The following UGT2B15 variants were observed in gnomAD, a reference collection of about 807,000 sequenced individuals.
UGT2B15 encodes UDP-glucuronosyltransferase 2B15.
In UGT2B15, 36 loss-of-function variants were observed where a neutral mutation model predicts 45.9. That is an observed-to-expected ratio of 0.78 (90% CI 0.60 to 1.04). The LOEUF is 1.04. Ranked by LOEUF, UGT2B15 falls within the 50% of genes least tolerant of loss-of-function variation. UGT2B15 has a pLI of 0.00. For synonymous variants in UGT2B15, 219 were observed against 216.4 expected (o/e 1.01, Z -0.11); for missense variants, 617 against 622.4 (o/e 0.99, Z 0.09).
rs182121936 is a variant in UGT2B15, at chr4:68,666,597, A to G, written c.873+1443T>C. On this transcript the variant is annotated intron_variant, in intron 2 of 5. Transcript: ENST00000338206. ...TCCTAAATGATCTTTACATTTTACAAACTTGCCTTTTTGCAATATTATACA... is the reference window on the plus strand; with the variant it reads ...TCCTAAATGATCTTTACATTTTACAGACTTGCCTTTTTGCAATATTATACA... Among the ~76,000 whole-genome samples the G allele has an allele frequency of 8.7e-3, 1,320 of 151,994 alleles. 6 individuals are homozygous for G. The highest frequency in any genetic ancestry group is 0.013 in the Non-Finnish European group (899 of 67,990).
intron 3 of UGT2B15, among the ~76,000 whole-genome samples, chr4:68,660,004 G>T: frequency 1.4e-5 from 2 of 141,190 alleles, no homozygotes; most frequent in Admixed American, 7.2e-5. Context: ...ATACTCCTAT[G>T]AAAAAAATTT....
At chr4:68,649,836 T>A (rs975492958) in intron 5 of UGT2B15, among the ~76,000 whole-genome samples, 7 of 151,914 alleles carry the variant, frequency 4.6e-5, no homozygotes, top group African/African-American at 1.7e-4. Context: ...TTTTGTTTTT[T>A]TGCTTTTTTG....
chr4:68,669,896 T>G lies in UGT2B15; in HGVS notation c.723A>C (p.Leu241=). ...GCACCAGTTAGACACATGACTTACC[T>G]AGAACTTCACTATAAAACTGGTCCC... The part of the protein sequence containing the change: ...KKWDQFYSEV[L]GRPTTLFETM... The change falls in exon 1 of 6, where the codon CTA becomes CTC. Residue 241 remains leucine (L), a splice_region_variant and synonymous_variant. Coordinates refer to ENST00000338206, the MANE Select transcript of UGT2B15 (RefSeq NM_001076.4). 1.2e-6 allele frequency: 2 copies of G among 1,606,146 alleles called. No homozygotes were observed. The highest frequency in any genetic ancestry group is 1.3e-5 in the African/African-American group (1 of 74,336).
intron 2 of UGT2B15, among the ~76,000 whole-genome samples, chr4:68,666,752 A>ATTT (rs775748401): frequency 0.012 from 1,545 of 127,834 alleles, 22 homozygotes; most frequent in Middle Eastern, 0.03. Context: ...ATATATATAT[A>ATTT]TTTTTTTTTT....
intron 5 of UGT2B15, among the ~76,000 whole-genome samples, chr4:68,651,363 T>A (rs1732650214): frequency 6.6e-6 from 1 of 152,146 alleles, no homozygotes; most frequent in Non-Finnish European, 1.5e-5. Context: ...TTCCGTTTTC[T>A]GCGTATGGCT....
At chr4:68,653,436 T>C (rs1410212801) in intron 5 of UGT2B15, among the ~76,000 whole-genome samples, 1 of 152,016 alleles carries the variant, frequency 6.6e-6, no homozygotes, top group Admixed American at 6.6e-5. Context: ...GTGAAGAGAA[T>C]AATCTATTGA....
intron 2 of UGT2B15, among the ~76,000 whole-genome samples, chr4:68,665,861 A>C (rs1451741026): frequency 2.6e-5 from 4 of 152,138 alleles, no homozygotes; most frequent in African/African-American, 9.7e-5. Context: ...AGCCTGGCCA[A>C]CATGGTGAAA....
At chr4:68,656,757 G>A (rs1291852931) in intron 3 of UGT2B15, among the ~76,000 whole-genome samples, 2 of 151,884 alleles carry the variant, frequency 1.3e-5, no homozygotes, top group African/African-American at 4.8e-5. Flanking sequence ...CCCCTTTAGG[G>A]GTGTCTGTTT....
At chr4:68,656,798 A>AT (rs1215734428) in intron 3 of UGT2B15, among the ~76,000 whole-genome samples, 2 of 151,792 alleles carry the variant, frequency 1.3e-5, no homozygotes, top group East Asian at 3.9e-4. Context: ...TTGTGGGCAG[A>AT]TTTTTTTCTC....
At chr4:68,659,245 C>T (rs1732893539) in intron 3 of UGT2B15, among the ~76,000 whole-genome samples, 1 of 151,836 alleles carries the variant, frequency 6.6e-6, no homozygotes, top group Admixed American at 6.6e-5. Context: ...CTTGAGTTAC[C>T]ACATTAGTCA....
chr4:68,650,324 G>A (rs192500406), intron 5 of UGT2B15, among the ~76,000 whole-genome samples: 121 of 151,658 alleles, frequency 8.0e-4, no homozygotes, highest in African/African-American at 2.5e-3. Context: ...TCCATCCCCC[G>A]GTGTGTGTTG....
chr4:68,653,939 C>A, intron 5 of UGT2B15, 98 bp downstream of exon 5: 3 of 1,462,768 alleles, frequency 2.1e-6, no homozygotes, highest in South Asian at 2.6e-5. Flanking sequence ...CACTTCAATC[C>A]CTTCAAAATT....
intron 5 of UGT2B15, among the ~76,000 whole-genome samples, chr4:68,649,714 A>C (rs1277414773): frequency 1.3e-5 from 2 of 152,142 alleles, no homozygotes; most frequent in East Asian, 3.8e-4. Context: ...GATTACATTT[A>C]ATTGTGTACT....
At chr4:68,650,736 A>G (rs71598083) in intron 5 of UGT2B15, among the ~76,000 whole-genome samples, 52,776 of 151,836 alleles carry the variant, frequency 0.35, 9,415 homozygotes, top group East Asian at 0.53. Flanking sequence ...GTTTTCCATG[A>G]TGGTTGAACT....
In UGT2B15 at chr4:68,651,985, T is replaced by G. The variant is rs1194928124; in HGVS notation, c.1313+2052A>C. On this transcript the variant is annotated intron_variant, in intron 5 of 5. Transcript: ENST00000338206. ...GGGCAGCATGGCCATTTTTACAATA[T>G]TGATTCTTTTTATCCATGAGGATGG... is the stretch of plus-strand genomic sequence containing the variant. 4.6e-5 allele frequency among the ~76,000 whole-genome samples: 7 copies of G among 152,136 alleles called. No individual in the cohort carries two copies. In the East Asian group the frequency reaches 1.2e-3, roughly 25 times the overall value.
chr4:68,652,528 T>C (rs1011945649), intron 5 of UGT2B15, among the ~76,000 whole-genome samples: 3 of 151,806 alleles, frequency 2.0e-5, no homozygotes, highest in Admixed American at 2.0e-4. Context: ...GTTTTTAATG[T>C]ATTCCCTTAG....
intron 2 of UGT2B15, among the ~76,000 whole-genome samples, chr4:68,666,619 T>C (rs1320740507): frequency 6.6e-6 from 1 of 151,936 alleles, no homozygotes; most frequent in African/African-American, 2.4e-5. Flanking sequence ...TGCAATATTA[T>C]ACATTGGGAA....
intron 2 of UGT2B15, among the ~76,000 whole-genome samples, chr4:68,666,414 TAATCATAATATCA>T (rs1357218235): frequency 6.6e-6 from 1 of 152,138 alleles, no homozygotes; most frequent in East Asian, 1.9e-4. Context: ...ATGACTGAAA[TAATCATAATATCA>T]ACAATATTTT....
intron 3 of UGT2B15, among the ~76,000 whole-genome samples, chr4:68,660,630 T>C (rs1242704020): frequency 2.0e-5 from 3 of 151,926 alleles, no homozygotes. Flanking sequence ...AAAATAACAG[T>C]ATACCTGTTG....
Sources: gnomAD v4.1 joint callset for allele counts (sites outside exome capture counted in the v4.1 genomes callset) on GRCh38, gnomAD v4.1.1 for gene constraint, MANE v1.5 for transcripts, NCBI Gene and HGNC (gene_info 2026-07-23, HGNC 2026-07-21) for gene names.